Variants in ZSWIM8 observed in about 807,000 individuals in gnomAD.
ZSWIM8 encodes zinc finger SWIM-type containing 8, also known as zinc finger SWIM domain-containing protein 8.
Under a neutral mutation model 173.7 loss-of-function variants are expected in ZSWIM8, and 27 were observed. The ratio of observed to expected loss-of-function variants is 0.16; its 90% CI spans 0.11 to 0.21. The LOEUF is 0.21. Ranked by LOEUF, ZSWIM8 falls within the 10% of genes least tolerant of loss-of-function variation. The pLI is 1.00. For missense variants in ZSWIM8, 1,627 were observed against 2,428.8 expected (o/e 0.67, Z 6.94); for synonymous variants, 958 against 962.0 (o/e 1.00, Z 0.08).
At chr10:73,790,849 A>C in intron 7 of ZSWIM8, 126 bp from the exon 8 acceptor site, 1 of 582,000 alleles carries the variant, frequency 1.7e-6, no homozygotes, top group South Asian at 2.9e-5. Flanking sequence ...ACTTGGTCTC[A>C]AAAAAAAAAA....
In ZSWIM8 at chr10:73,789,592, C is replaced by G. The variant is rs1017184064; in HGVS notation, c.630+53C>G. The G allele has an allele frequency of 5.4e-5, 86 of 1,586,192 alleles. No individual in the cohort carries two copies. The highest frequency in any genetic ancestry group is 6.9e-5 in the Non-Finnish European group (81 of 1,165,656). On this transcript the variant is annotated intron_variant, in intron 4 of 25. Transcript: ENST00000604729. The surrounding 1 kb of genome is among the most constrained non-coding windows in gnomAD (Gnocchi z 6.8). Reference sequence around the variant, plus strand: ...CTATCCTACACTCCATCCCCCCCTTCTCTGCTGCATGCCTGGCTACAATGT... The same window carrying G: ...CTATCCTACACTCCATCCCCCCCTTGTCTGCTGCATGCCTGGCTACAATGT...
At position 73,797,078 on chromosome 10, in the gene ZSWIM8, T is replaced by C. The variant is rs1163015304; in HGVS notation, c.3275-35T>C. 1 of 1,613,194 alleles carries C rather than the reference T, an allele frequency of 6.2e-7. No individual in the cohort carries two copies. The highest frequency in any genetic ancestry group is 1.7e-5 in the Admixed American group (1 of 59,910). ...GGACCTATGTTGAGGTCCCCTTTCC[T>C]GGGCTCATCCCAGCGTCCTGTTTTC... On this transcript the variant is annotated intron_variant, in intron 16 of 25. Coordinates refer to ENST00000604729, the MANE Select transcript of ZSWIM8 (RefSeq NM_001367799.1). This position sits in a 1 kb window ranked among gnomAD's most constrained non-coding sequence, Gnocchi z 5.6.
chr10:73,801,663 G>C lies in ZSWIM8; in HGVS notation c.*144G>C. The C allele has an allele frequency of 6.5e-7, 1 of 1,535,422 alleles. No homozygotes were observed. On this transcript the variant is annotated 3_prime_UTR_variant, in exon 26 of 26. Coordinates refer to ENST00000604729, the MANE Select transcript of ZSWIM8 (RefSeq NM_001367799.1). This position sits in a 1 kb window ranked among gnomAD's most constrained non-coding sequence, Gnocchi z 4.9. ...GACTGACAGCTGCTCTTGGGCTATA[G>C]CTTGGGGCCAAGATGTCTCACACCC...
rs1040864525 is a variant in ZSWIM8, at chr10:73,794,627, G to A, written c.2896G>A (p.Val966Ile). 6.4e-7 allele frequency: 1 copy of A among 1,553,254 alleles called. No homozygotes were observed. Among genetic ancestry groups the A allele is most frequent in the Non-Finnish European group, 8.7e-7 (1 of 1,148,002 alleles). Reference sequence around the variant, plus strand: ...TGAGGAGCTTGGATTTGAAGCAGCAGTTGCTGCCTTGGGTGAGTCTTGAGC... The same window carrying A: ...TGAGGAGCTTGGATTTGAAGCAGCAATTGCTGCCTTGGGTGAGTCTTGAGC... ...GDEELGFEAA[V>I]AALGMKTTVS... Residue 966 changes from valine to isoleucine, a missense_variant, in exon 14 of 26, where the codon GTT (valine) becomes ATT (isoleucine). Val to Ile is a conservative substitution (Grantham distance 29). Around this residue, in one of 18 missense-constraint regions of ZSWIM8, gnomAD observed 169 missense variants for 235.3 expected, o/e 0.72. Coordinates refer to ENST00000604729, the MANE Select transcript of ZSWIM8 (RefSeq NM_001367799.1).
intron 1 of ZSWIM8, chr10:73,786,357 C>CGT (rs984530940): frequency 8.2e-6 from 3 of 363,756 alleles, no homozygotes; most frequent in Admixed American, 9.3e-5. Flanking sequence ...CGCGCGCGCG[C>CGT]GTGCGCGCGC....
In ZSWIM8 at chr10:73,792,160, C is replaced by A. The variant is rs375687412; in HGVS notation, c.1621C>A (p.Arg541=). Residue 541 remains arginine, a synonymous_variant, in exon 10 of 26, where the codon CGG becomes AGG. Coordinates refer to ENST00000604729, the MANE Select transcript of ZSWIM8 (RefSeq NM_001367799.1). This position sits in a 1 kb window ranked among gnomAD's most constrained non-coding sequence, Gnocchi z 4.3. ...ACCCCTTCCTACTGAGCCAGCTGTG[C>A]GGCCCAAGGAGCCTGGGACCAAGCG... ...PRPLPTEPAV[R]PKEPGTKRKG... 5.9e-4 allele frequency: 896 copies of A among 1,527,444 alleles called. No homozygotes were observed. The highest frequency in any genetic ancestry group is 1.8e-3 in the Middle Eastern group (10 of 5,640). 94.6% of individuals were successfully genotyped at this position (1,527,444 alleles called of 1,614,324 possible). A position where few individuals can be genotyped will look rare whatever the true frequency, so the allele number is the denominator to read the frequency against.
intron 10 of ZSWIM8, among the ~76,000 whole-genome samples, 186 bp from the exon 11 acceptor site, chr10:73,793,402 G>A (rs2083491655): frequency 1.3e-5 from 2 of 152,134 alleles, no homozygotes; most frequent in South Asian, 2.1e-4. Flanking sequence ...ACCTTTCCCT[G>A]TAATAGCTGG....
Position 73,801,506 on chromosome 10 carries a change from C to A in ZSWIM8, c.5492C>A (p.Thr1831Asn), listed in dbSNP as rs776658498. Residue 1831 changes from threonine (T) to asparagine (N), a missense_variant, in exon 26 of 26, where the codon ACC becomes AAC. Physicochemically the swap from Thr to Asn is moderately conservative, Grantham distance 65. Coordinates refer to ENST00000604729, the MANE Select transcript of ZSWIM8 (RefSeq NM_001367799.1). The surrounding 1 kb of genome is among the most constrained non-coding windows in gnomAD (Gnocchi z 4.9). ...CAGCGGGTCTCACTCGAGATGGCCA[C>A]CTTCTCCCCCTGAGTCTTTCACCCT... ...LWQRVSLEMA[T>N]FSP 3 of 1,613,884 alleles carry A rather than the reference C, an allele frequency of 1.9e-6. No homozygotes were observed. The highest frequency in any genetic ancestry group is 1.1e-5 in the South Asian group (1 of 91,078).
chr10:73,800,320 C>A lies in ZSWIM8; in HGVS notation c.4850C>A (p.Thr1617Lys). The A allele has an allele frequency of 6.2e-7, 1 of 1,613,878 alleles. No homozygotes were observed. The highest frequency in any genetic ancestry group is 8.5e-7 in the Non-Finnish European group (1 of 1,179,810). ...VALSSVHPAS[T>K]FPAIQGASLP... Reference sequence around the variant, plus strand: ...GTGAGCAGTGTCCATCCAGCATCCACGTTTCCAGCCATCCAAGGTGCCTCA... The same window carrying A: ...GTGAGCAGTGTCCATCCAGCATCCAAGTTTCCAGCCATCCAAGGTGCCTCA... The change falls in exon 23 of 26, where the codon ACG (threonine) becomes AAG (lysine). Residue 1617 changes from threonine to lysine, a missense_variant. Thr to Lys is a moderately conservative substitution (Grantham distance 78). This residue lies in a region of ZSWIM8 where 275 missense variants were observed against 290.1 expected (regional missense o/e 0.95). Transcript: ENST00000604729. The surrounding 1 kb of genome is among the most constrained non-coding windows in gnomAD (Gnocchi z 4.1).
chr10:73,788,891 T>A (rs2083313372), intron 2 of ZSWIM8, 68 bp downstream of exon 2: 1 of 1,589,146 alleles, frequency 6.3e-7, no homozygotes. Context: ...GGGTTTCCCA[T>A]AGAACAAAGG....
At position 73,792,512 on chromosome 10, in the gene ZSWIM8, C is replaced by T; in HGVS notation, c.1973C>T (p.Thr658Ile). 6.2e-7 allele frequency: 1 copy of T among 1,613,896 alleles called. No individual in the cohort carries two copies. The highest frequency in any genetic ancestry group is 2.2e-5 in the East Asian group (1 of 44,870). ...CACGGTGGCTCCCGAGGCCCTTCCACTTTCCTTCCTGAGCCCCCAGATACT... is the reference window on the plus strand; with the variant it reads ...CACGGTGGCTCCCGAGGCCCTTCCATTTTCCTTCCTGAGCCCCCAGATACT... ...PLHGGSRGPSTFLPEPPDTYE... is the reference protein window; with the variant it reads ...PLHGGSRGPSIFLPEPPDTYE... The change falls in exon 10 of 26, where the codon ACT (threonine) becomes ATT (isoleucine). Residue 658 changes from threonine to isoleucine, a missense_variant. This residue lies in a region of ZSWIM8 where 383 missense variants were observed against 394.8 expected (regional missense o/e 0.97). Transcript: ENST00000604729. This position sits in a 1 kb window ranked among gnomAD's most constrained non-coding sequence, Gnocchi z 4.3.
intron 15 of ZSWIM8, chr10:73,796,424 A>T (rs2083658862): frequency 2.4e-6 from 1 of 412,312 alleles, no homozygotes; most frequent in South Asian, 2.0e-5. Flanking sequence ...AATCTTGGGG[A>T]CATCTCATAA....
chr10:73,796,358 AAAG>A (rs760513980), intron 15 of ZSWIM8: 89 of 425,116 alleles, frequency 2.1e-4, no homozygotes, highest in African/African-American at 4.2e-4. Flanking sequence ...CTTAAAAAAA[AAAG>A]AAGAAGAAGA....
chr10:73,799,766 A>C (rs1463732118), intron 21 of ZSWIM8: 2 of 626,600 alleles, frequency 3.2e-6, no homozygotes, highest in Admixed American at 5.9e-5. Context: ...CCCCGTCTCT[A>C]CTAAAAATTA....
Position 73,801,453 on chromosome 10 carries a change from G to A in ZSWIM8, c.5439G>A (p.Lys1813=). ...TCAACGACATCCTACAGAACCTCAAGCGCAGCAAACAGACCAAGGAGCTGT... is the reference window on the plus strand; with the variant it reads ...TCAACGACATCCTACAGAACCTCAAACGCAGCAAACAGACCAAGGAGCTGT... The part of the protein sequence containing the change: ...MQFNDILQNL[K]RSKQTKELWQ... Residue 1813 remains lysine, a synonymous_variant, in exon 26 of 26, where the codon AAG becomes AAA. Transcript: ENST00000604729. This position sits in a 1 kb window ranked among gnomAD's most constrained non-coding sequence, Gnocchi z 4.9. The A allele has an allele frequency of 6.2e-7, 1 of 1,613,934 alleles. No individual in the cohort carries two copies. Among genetic ancestry groups the A allele is most frequent in the Non-Finnish European group, 8.5e-7 (1 of 1,179,874 alleles).
In ZSWIM8 at chr10:73,799,250, GGCAGCGGCA is replaced by G. The variant is rs1237871752; in HGVS notation, c.4430_4438del (p.Ala1477_Ala1479del). The G allele has an allele frequency of 1.3e-6, 2 of 1,599,898 alleles. No homozygotes were observed. Among genetic ancestry groups the G allele is most frequent in the Non-Finnish European group, 1.7e-6 (2 of 1,173,784 alleles). ...GCCCAGGGACTGAGCCGGTTACAGT[GGCAGCGGCA>G]GCAGTGACAGCAGCAGCCACAGTGG... On this transcript the variant is annotated inframe_deletion, in exon 21 of 26. Transcript: ENST00000604729.
Position 73,793,879 on chromosome 10 carries a change from G to A in ZSWIM8, c.2460G>A (p.Lys820=). The change falls in exon 12 of 26, where the codon AAG becomes AAA. Residue 820 remains lysine, a synonymous_variant. Transcript: ENST00000604729. The part of the protein sequence containing the change: ...EPPPAKGKKN[K]VSTSRQTWVA... ...TCCCTTTCTAGGGCAAGAAGAACAA[G>A]GTATCCACGAGCCGTCAGACCTGGG... 1 of 1,608,548 alleles carries A rather than the reference G, an allele frequency of 6.2e-7. No individual in the cohort carries two copies. Among genetic ancestry groups the A allele is most frequent in the Non-Finnish European group, 8.5e-7 (1 of 1,178,100 alleles).
In ZSWIM8 at chr10:73,794,031, C is replaced by G; in HGVS notation, c.2612C>G (p.Thr871Ser). The G allele has an allele frequency of 1.2e-6, 2 of 1,613,046 alleles. No individual in the cohort carries two copies. Among genetic ancestry groups the G allele is most frequent in the Non-Finnish European group, 1.7e-6 (2 of 1,179,384 alleles). ...GAGCTACAGAGGCCTCCAGCTTCTA[C>G]CAAGGCCTTGGAGGTCAGAGGCTCC... is the stretch of plus-strand genomic sequence containing the variant. ...ALELQRPPAS[T>S]KALEVKLAYQ... Residue 871 changes from threonine to serine, a missense_variant, in exon 12 of 26, where the codon ACC (threonine) becomes AGC (serine). Coordinates refer to ENST00000604729, the MANE Select transcript of ZSWIM8 (RefSeq NM_001367799.1).
Position 73,791,575 on chromosome 10 carries a change from T to C in ZSWIM8, c.1319+76T>C. On this transcript the variant is annotated intron_variant, in intron 9 of 25. Transcript: ENST00000604729. This position sits in a 1 kb window ranked among gnomAD's most constrained non-coding sequence, Gnocchi z 6.0. Reference sequence around the variant, plus strand: ...ACAGACTGAGCCTTCATCTCCTTGTTTGCAGAGACATACCATGATTTTAGT... The same window carrying C: ...ACAGACTGAGCCTTCATCTCCTTGTCTGCAGAGACATACCATGATTTTAGT... 1 of 1,429,910 alleles carries C rather than the reference T, an allele frequency of 7.0e-7. No individual in the cohort carries two copies. The highest frequency in any genetic ancestry group is 1.4e-5 in the South Asian group (1 of 69,258). 88.6% of individuals were successfully genotyped at this position (1,429,910 alleles called of 1,614,324 possible). A position where few individuals can be genotyped will look rare whatever the true frequency, so the allele number is the denominator to read the frequency against.
Sources: allele counts gnomAD v4.1 joint callset (sites outside exome capture counted in the v4.1 genomes callset), GRCh38; gene constraint gnomAD v4.1.1; regional missense constraint gnomAD v4.1.1; non-coding constraint Gnocchi (gnomAD v3.1); transcripts MANE v1.5; gene names NCBI Gene and HGNC (gene_info 2026-07-23, HGNC 2026-07-21).